The following GNAL variants were observed in gnomAD, a reference collection of about 807,000 sequenced individuals.
GNAL encodes guanine nucleotide-binding protein G(olf) subunit alpha.
In GNAL, 18 loss-of-function variants were observed where a neutral mutation model predicts 55.1. The ratio of observed to expected loss-of-function variants is 0.33; its 90% CI spans 0.23 to 0.48. GNAL has a LOEUF of 0.48. Ranked by LOEUF, GNAL falls within the 20% of genes least tolerant of loss-of-function variation. GNAL has a pLI of 0.99. For missense variants in GNAL, 412 were observed against 614.1 expected (o/e 0.67, Z 3.48); for synonymous variants, 253 against 237.0 (o/e 1.07, Z -0.62).
chr18:11,776,426 G>A (rs2033785501), intron 4 of GNAL, among the ~76,000 whole-genome samples: 1 of 152,126 alleles, frequency 6.6e-6, no homozygotes, highest in Non-Finnish European at 1.5e-5. Context: ...AAGAATTTAT[G>A]CCAGGCAAAG....
At position 11,761,552 on chromosome 18, in the gene GNAL, G is replaced by A. The variant is rs373449073; in HGVS notation, c.624+7607G>A. Reference sequence around the variant, plus strand: ...CTTTCCCACCATTTCGGCTTGGCCTGTGTCCTGGCCTTCTGATCCTGTGGC... The same window carrying A: ...CTTTCCCACCATTTCGGCTTGGCCTATGTCCTGGCCTTCTGATCCTGTGGC... On this transcript the variant is annotated intron_variant, in intron 4 of 11. Transcript: ENST00000334049. 3.3e-5 allele frequency among the ~76,000 whole-genome samples: 5 copies of A among 152,354 alleles called. No homozygotes were observed. In the East Asian group the frequency reaches 9.6e-4, roughly 29 times the overall value.
chr18:11,792,433 G>A (rs368464702), intron 4 of GNAL, among the ~76,000 whole-genome samples: 1 of 152,146 alleles, frequency 6.6e-6, no homozygotes, highest in Admixed American at 6.5e-5. Context: ...TGATCTGCCC[G>A]CCTTGGCCTC....
At chr18:11,819,568 G>A (rs1198986949) in intron 4 of GNAL, among the ~76,000 whole-genome samples, 1 of 151,804 alleles carries the variant, frequency 6.6e-6, no homozygotes, top group Non-Finnish European at 1.5e-5. Flanking sequence ...AGATCACATG[G>A]CAATTCTCAT....
intron 1 of GNAL, among the ~76,000 whole-genome samples, chr18:11,712,789 A>G (rs917264672): frequency 5.3e-5 from 8 of 152,212 alleles, no homozygotes; most frequent in Non-Finnish European, 1.2e-4. Flanking sequence ...TCAGAAAAAC[A>G]TATCTACAAG....
chr18:11,877,372 T>C (rs1181304478), intron 11 of GNAL, among the ~76,000 whole-genome samples: 3 of 152,168 alleles, frequency 2.0e-5, no homozygotes, highest in African/African-American at 7.2e-5. Flanking sequence ...GGAGAATTGC[T>C]GAAACCCAGG....
At chr18:11,811,139 C>T (rs963248049) in intron 4 of GNAL, among the ~76,000 whole-genome samples, 2 of 152,172 alleles carry the variant, frequency 1.3e-5, no homozygotes, top group Non-Finnish European at 2.9e-5. Flanking sequence ...AAAGCCACAA[C>T]GCCACATTCC....
At chr18:11,860,538 T>C (rs532854624) in intron 5 of GNAL, among the ~76,000 whole-genome samples, 22 of 152,292 alleles carry the variant, frequency 1.4e-4, no homozygotes, top group African/African-American at 5.3e-4. Context: ...ATACACATTT[T>C]ATTTAATATT....
chr18:11,850,070 T>C (rs2035823320), intron 5 of GNAL, among the ~76,000 whole-genome samples: 1 of 152,164 alleles, frequency 6.6e-6, no homozygotes, highest in South Asian at 2.1e-4. Context: ...TAGGCAGAGA[T>C]GCATGGACAC....
intron 4 of GNAL, among the ~76,000 whole-genome samples, chr18:11,790,874 G>T (rs181879514): frequency 1.3e-5 from 2 of 151,958 alleles, no homozygotes; most frequent in African/African-American, 4.8e-5. Flanking sequence ...AGCCAGGATG[G>T]TCTTGATCTC....
intron 4 of GNAL, among the ~76,000 whole-genome samples, chr18:11,762,649 G>A (rs150142505): frequency 1.6e-4 from 24 of 152,336 alleles, no homozygotes; most frequent in Admixed American, 3.3e-4. Context: ...GTCAGGCCAC[G>A]GCGGGTTAGG....
intron 4 of GNAL, among the ~76,000 whole-genome samples, chr18:11,811,047 A>G (rs1167206523): frequency 1.3e-5 from 2 of 152,066 alleles, no homozygotes; most frequent in Non-Finnish European, 2.9e-5. Flanking sequence ...GGTGTTCTGT[A>G]GATGTTTCTA....
intron 4 of GNAL, among the ~76,000 whole-genome samples, chr18:11,785,112 A>G (rs2034021786): frequency 6.6e-6 from 1 of 152,150 alleles, no homozygotes; most frequent in Non-Finnish European, 1.5e-5. Flanking sequence ...CCTCTCAGCC[A>G]TTGGAAATGT....
At chr18:11,770,019 A>T (rs1021536879) in intron 4 of GNAL, among the ~76,000 whole-genome samples, 3 of 152,242 alleles carry the variant, frequency 2.0e-5, no homozygotes, top group African/African-American at 7.2e-5. Context: ...AATCATAGGA[A>T]GGGAAAATGT....
At chr18:11,702,688 C>G (rs1423690161) in intron 1 of GNAL, among the ~76,000 whole-genome samples, 2 of 152,026 alleles carry the variant, frequency 1.3e-5, no homozygotes, top group Non-Finnish European at 2.9e-5. Flanking sequence ...ACAAAGGTAT[C>G]AACCAGCCAT....
At position 11,699,153 on chromosome 18, in the gene GNAL, ATTTAC is replaced by A. The variant is rs1260982590; in HGVS notation, c.376+9218_376+9222del. On this transcript the variant is annotated intron_variant, in intron 1 of 11. Coordinates refer to ENST00000334049, the MANE Select transcript of GNAL (RefSeq NM_182978.4). ...TTCTCACCTGACAGCACCCAGGATA[ATTTAC>A]TTTGAGTCTACATTTATCTATTTAT... 2.0e-5 allele frequency among the ~76,000 whole-genome samples: 3 copies of A among 152,180 alleles called. No homozygotes were observed. The East Asian group carries it at 5.8e-4, about 29-fold the overall frequency.
At chr18:11,719,421 G>C (rs1473708275) in intron 1 of GNAL, among the ~76,000 whole-genome samples, 1 of 152,090 alleles carries the variant, frequency 6.6e-6, no homozygotes, top group Non-Finnish European at 1.5e-5. Flanking sequence ...CTGTATTTCA[G>C]CCTGAGTTTA....
chr18:11,848,927 T>A (rs1427372760), intron 5 of GNAL, among the ~76,000 whole-genome samples: 2 of 152,344 alleles, frequency 1.3e-5, no homozygotes, highest in East Asian at 1.9e-4. Context: ...CTGGTCCCAA[T>A]ACATCCATGG....
chr18:11,746,733 G>A, intron 1 of GNAL: 1 of 287,654 alleles, frequency 3.5e-6, no homozygotes, highest in Non-Finnish European at 7.0e-6. Flanking sequence ...CCACCCAGGT[G>A]AAGCAGCTGA....
chr18:11,847,199 C>T (rs1470614267), intron 5 of GNAL, among the ~76,000 whole-genome samples: 1 of 151,974 alleles, frequency 6.6e-6, no homozygotes, highest in Non-Finnish European at 1.5e-5. Context: ...AGGTAGTCAA[C>T]CAGAGGTCAC....
Sources: gnomAD v4.1 joint callset for allele counts (sites outside exome capture counted in the v4.1 genomes callset) on GRCh38, gnomAD v4.1.1 for gene constraint, MANE v1.5 for transcripts, NCBI Gene and HGNC (gene_info 2026-07-23, HGNC 2026-07-21) for gene names.